The following GDE1 variants were observed in gnomAD, a reference collection of about 807,000 sequenced individuals.
GDE1 encodes glycerophosphodiester phosphodiesterase 1.
In GDE1, 24 loss-of-function variants were observed where a neutral mutation model predicts 32.2. That is an observed-to-expected ratio of 0.75 (90% CI 0.54 to 1.05). GDE1 has a LOEUF of 1.05. Among genes scored for constraint, GDE1 ranks in the 50% least tolerant of loss-of-function variants. The pLI is 0.00. For missense variants in GDE1, 380 were observed against 415.0 expected (o/e 0.92, Z 0.73); for synonymous variants, 159 against 158.6 (o/e 1.00, Z -0.02).
chr16:19,507,774 A>C lies in GDE1; in HGVS notation c.549T>G (p.Thr183=). The C allele has an allele frequency of 7.1e-7, 1 of 1,412,072 alleles. No individual in the cohort carries two copies. Among genetic ancestry groups the C allele is most frequent in the Non-Finnish European group, 1.0e-6 (1 of 1,002,584 alleles). 87.5% of individuals were successfully genotyped at this position (1,412,072 alleles called of 1,614,324 possible). A position where few individuals can be genotyped will look rare whatever the true frequency, so the allele number is the denominator to read the frequency against. The part of the protein sequence containing the change: ...FDVKGHAHKA[T]EALKKMYMEF... ...CCATATACATTTTCTTTAGAGCCTC[A>C]GTAGCCTGTAAAATAAAGAGATTCA... The change falls in exon 4 of 6, where the codon ACT becomes ACG. Residue 183 remains threonine (T), a synonymous_variant. Coordinates refer to ENST00000353258, the MANE Select transcript of GDE1 (RefSeq NM_016641.4).
chr16:19,504,348 C>T (rs1398044004), intron 5 of GDE1: 1 of 155,372 alleles, frequency 6.4e-6, no homozygotes, highest in African/African-American at 2.4e-5. Flanking sequence ...AGGCACTTAC[C>T]AAATATTTAT....
chr16:19,511,139 G>A (rs1446075110), intron 2 of GDE1, among the ~76,000 whole-genome samples, 195 bp from the exon 3 acceptor site: 2 of 138,152 alleles, frequency 1.4e-5, no homozygotes, highest in African/African-American at 5.4e-5. Flanking sequence ...GTCTTGCTCT[G>A]TTGCCCAGCC....
At position 19,512,927 on chromosome 16, in the gene GDE1, TTGTGTGTGTGTGTGTGTG is replaced by T. The variant is rs144957791; in HGVS notation, c.438-2001_438-1984del. 2.1e-3 allele frequency among the ~76,000 whole-genome samples: 293 copies of T among 137,104 alleles called. 2 individuals carry two copies. The highest frequency in any genetic ancestry group is 2.0e-3 in the Admixed American group (27 of 13,646). The allele number at this position is 137,104 out of a possible 152,430, so 89.9% of individuals were successfully genotyped here. On this transcript the variant is annotated intron_variant, in intron 2 of 5. Coordinates refer to ENST00000353258, the MANE Select transcript of GDE1 (RefSeq NM_016641.4). ...TATTCCACTGGTCTATGTATCTGTTTTGTGTGTGTGTGTGTGTGTGTGTGTGTGTGTGTGTGTGTGTCA... is the reference window on the plus strand; with the variant it reads ...TATTCCACTGGTCTATGTATCTGTTTTGTGTGTGTGTGTGTGTGTGTGTCA...
chr16:19,517,420 T>C (rs1479769885), intron 1 of GDE1, among the ~76,000 whole-genome samples: 1 of 152,210 alleles, frequency 6.6e-6, no homozygotes, highest in Non-Finnish European at 1.5e-5. Context: ...CCCACTCTTC[T>C]TACTTTCACA....
At chr16:19,508,734 C>T (rs1969279983) in intron 3 of GDE1, among the ~76,000 whole-genome samples, 1 of 152,060 alleles carries the variant, frequency 6.6e-6, no homozygotes, top group African/African-American at 2.4e-5. Flanking sequence ...TTTAGTATCC[C>T]CATTTTACCC....
In GDE1 at chr16:19,505,034, C is replaced by T. The variant is rs374308081; in HGVS notation, c.695G>A (p.Ser232Asn). 5 of 1,613,310 alleles carry T rather than the reference C, an allele frequency of 3.1e-6. No homozygotes were observed. The highest frequency in any genetic ancestry group is 4.2e-6 in the Non-Finnish European group (5 of 1,179,360). ...TALTHRPWSL[S>N]HTGDGKPRYD... is the part of the protein sequence containing the mutation. ...GCGTGGTTTCCCATCTCCTGTATGG[C>T]TTAGGCTCCAAGGTCTGTGAGTTAA... The change falls in exon 5 of 6, where the codon AGC becomes AAC. Residue 232 changes from serine to asparagine, a missense_variant. Physicochemically the swap from Ser to Asn is conservative, Grantham distance 46. Transcript: ENST00000353258.
intron 5 of GDE1, 49 bp downstream of exon 5, chr16:19,504,829 TAAG>T: frequency 8.7e-7 from 1 of 1,143,390 alleles, no homozygotes; most frequent in Non-Finnish European, 1.3e-6. Flanking sequence ...TCCTTTCAAA[TAAG>T]AGCATTCAGG....
At chr16:19,515,469 G>T (rs893543962) in intron 2 of GDE1, among the ~76,000 whole-genome samples, 1 of 152,134 alleles carries the variant, frequency 6.6e-6, no homozygotes, top group Non-Finnish European at 1.5e-5. Flanking sequence ...CCAGAGAAAT[G>T]GACTCAGTGC....
chr16:19,521,879 A>C lies in GDE1; in HGVS notation c.86T>G (p.Val29Gly), dbSNP rs1255913248. The C allele has an allele frequency of 1.9e-6, 3 of 1,604,226 alleles. No individual in the cohort carries two copies. The highest frequency in any genetic ancestry group is 2.7e-5 in the African/African-American group (2 of 74,978). The change falls in exon 1 of 6, where the codon GTC becomes GGC. Residue 29 changes from valine to glycine, a missense_variant. Val to Gly is a moderately radical substitution (Grantham distance 109). Coordinates refer to ENST00000353258, the MANE Select transcript of GDE1 (RefSeq NM_016641.4). ...GCTGCCGGTGAGGAGGCAGGCATTG[A>C]CCGGGCTCCGCGTCACCAGCAGCAG... ...LVLLLVTRSP[V>G]NACLLTGSLF... is the part of the protein sequence containing the mutation.
chr16:19,510,982 G>A (rs1969311766), intron 2 of GDE1, 38 bp from the exon 3 acceptor site: 1 of 1,030,076 alleles, frequency 9.7e-7, no homozygotes, highest in East Asian at 2.4e-5. Context: ...GGAAAAAAGA[G>A]AAACAGATAA....
Position 19,510,849 on chromosome 16 carries a change from T to C in GDE1, c.533A>G (p.His178Arg). Reference sequence around the variant, plus strand: ...CAATTTAAACTGTACCTTGTGTGCATGGCCTTTGACATCAAAGAAGATTGT... The same window carrying C: ...CAATTTAAACTGTACCTTGTGTGCACGGCCTTTGACATCAAAGAAGATTGT... ...NLTIFFDVKG[H>R]AHKATEALKK... The change falls in exon 3 of 6, where the codon CAT (histidine) becomes CGT (arginine). Residue 178 changes from histidine to arginine, a missense_variant. Transcript: ENST00000353258. 1 of 1,552,916 alleles carries C rather than the reference T, an allele frequency of 6.4e-7. No individual in the cohort carries two copies.
At chr16:19,510,780 G>T in intron 3 of GDE1, 59 bp downstream of exon 3, 1 of 726,898 alleles carries the variant, frequency 1.4e-6, no homozygotes, top group Non-Finnish European at 2.3e-6. Flanking sequence ...CTTCGGAAAT[G>T]ACCGTCAATG....
At position 19,509,508 on chromosome 16, in the gene GDE1, C is replaced by G. The variant is rs192549356; in HGVS notation, c.543+1331G>C. 1.1e-4 allele frequency among the ~76,000 whole-genome samples: 16 copies of G among 152,258 alleles called. No individual in the cohort carries two copies. The East Asian group carries it at 1.9e-3, about 18-fold the overall frequency. On this transcript the variant is annotated intron_variant, in intron 3 of 5. Coordinates refer to ENST00000353258, the MANE Select transcript of GDE1 (RefSeq NM_016641.4). Reference sequence around the variant, plus strand: ...AGGAATTTATATTTTAAAATAGGTACAGGTGATTCTAACGCAGACCAATTG... The same window carrying G: ...AGGAATTTATATTTTAAAATAGGTAGAGGTGATTCTAACGCAGACCAATTG...
At chr16:19,504,157 T>C (rs1309706635) in intron 5 of GDE1, 1 of 153,174 alleles carries the variant, frequency 6.5e-6, no homozygotes, top group African/African-American at 2.4e-5. Context: ...TTATAGCCCA[T>C]GCACAGTTTT....
At chr16:19,515,288 C>T (rs1269050906) in intron 2 of GDE1, among the ~76,000 whole-genome samples, 2 of 152,090 alleles carry the variant, frequency 1.3e-5, no homozygotes, top group Non-Finnish European at 2.9e-5. Context: ...CAACATAATC[C>T]GTAAACACAA....
chr16:19,511,281 T>C (rs1969315900), intron 2 of GDE1, among the ~76,000 whole-genome samples: 1 of 152,066 alleles, frequency 6.6e-6, no homozygotes, highest in South Asian at 2.1e-4. Flanking sequence ...TTTTTGTGTT[T>C]TTAGTAGAGG....
Position 19,521,737 on chromosome 16 carries a change from G to A in GDE1, c.228C>T (p.Asp76=), listed in dbSNP as rs749425718. 5.0e-6 allele frequency: 8 copies of A among 1,611,570 alleles called. No homozygotes were observed. The highest frequency in any genetic ancestry group is 1.6e-4 in the Middle Eastern group (1 of 6,066). ...TGGCCGCCAGCGTGTTCTCGGGCGC[G>A]TCGTGGCTGCCGCCACGGTGGGCGA... The part of the protein sequence containing the change: ...SAIAHRGGSH[D]APENTLAAIR... Residue 76 remains aspartate (D), a synonymous_variant, in exon 1 of 6, where the codon GAC becomes GAT. Coordinates refer to ENST00000353258, the MANE Select transcript of GDE1 (RefSeq NM_016641.4).
intron 2 of GDE1, 52 bp from the exon 3 acceptor site, chr16:19,510,996 G>A (rs1466907203): frequency 1.2e-6 from 1 of 857,406 alleles, no homozygotes; most frequent in Non-Finnish European, 1.9e-6. Flanking sequence ...CAGATAAACT[G>A]TATTGCAACA....
Position 19,517,095 on chromosome 16 carries a change from G to A in GDE1, c.356C>T (p.Thr119Met), listed in dbSNP as rs1396334180. ...VLMHDNTVDR[T>M]TDGTGRLCDL... ...ACACAATCGCCCAGTCCCATCAGTCGTCCTATCTACTGTGTTATCGTGCAT... is the reference window on the plus strand; with the variant it reads ...ACACAATCGCCCAGTCCCATCAGTCATCCTATCTACTGTGTTATCGTGCAT... The change falls in exon 2 of 6, where the codon ACG becomes ATG. Residue 119 changes from threonine to methionine, a missense_variant. By Grantham distance (81) the Thr-to-Met change is moderately conservative. Coordinates refer to ENST00000353258, the MANE Select transcript of GDE1 (RefSeq NM_016641.4). 2.9e-5 allele frequency: 46 copies of A among 1,613,914 alleles called. No individual in the cohort carries two copies. The highest frequency in any genetic ancestry group is 6.6e-5 in the South Asian group (6 of 91,078).
Sources: allele counts gnomAD v4.1 joint callset (sites outside exome capture counted in the v4.1 genomes callset), GRCh38; gene constraint gnomAD v4.1.1; transcripts MANE v1.5; gene names NCBI Gene and HGNC (gene_info 2026-07-23, HGNC 2026-07-21).